XYLT1: variants seen among roughly 807,000 people sequenced by gnomAD.
XYLT1 encodes xylosyltransferase 1, also known as beta-D-xylosyltransferase 1.
In XYLT1, 36 loss-of-function variants were observed where a neutral mutation model predicts 91.3. The observed-to-expected ratio is 0.39, with a 90% CI of 0.30 to 0.52. The LOEUF is 0.52. Ranked by LOEUF, XYLT1 falls within the 20% of genes least tolerant of loss-of-function variation. The pLI is 0.68. For synonymous variants in XYLT1, 588 were observed against 532.0 expected (o/e 1.11, Z -1.45); for missense variants, 1,242 against 1,284.5 (o/e 0.97, Z 0.51).
intron 2 of XYLT1, among the ~76,000 whole-genome samples, chr16:17,292,826 C>T (rs1157708234): frequency 6.6e-6 from 1 of 152,198 alleles, no homozygotes; most frequent in Non-Finnish European, 1.5e-5. Context: ...AGGCCACTTC[C>T]TCACATCTCT....
At chr16:17,435,404 A>T (rs2036443938) in intron 1 of XYLT1, among the ~76,000 whole-genome samples, 1 of 152,150 alleles carries the variant, frequency 6.6e-6, no homozygotes. Context: ...ACCCCCTACA[A>T]GAACCCAGCA....
chr16:17,426,552 A>AAAAT lies in XYLT1; in HGVS notation c.363+43878_363+43881dup, dbSNP rs546298683. ...AAGTGTGAGTGAGACTCCATCTCAA[A>AAAAT]AAATAAATAAATAAACAAAACAAGG... On this transcript the variant is annotated intron_variant, in intron 1 of 11. Transcript: ENST00000261381. Among the ~76,000 whole-genome samples, 753 of 152,320 alleles carry AAAAT rather than the reference A, an allele frequency of 4.9e-3. 4 individuals carry two copies. The highest frequency in any genetic ancestry group is 7.8e-3 in the Non-Finnish European group (533 of 68,034).
At position 17,470,710 on chromosome 16, in the gene XYLT1, C is replaced by T; in HGVS notation, c.87G>A (p.Thr29=). The T allele has an allele frequency of 8.6e-7, 1 of 1,166,772 alleles. No individual in the cohort carries two copies. Among genetic ancestry groups the T allele is most frequent in the Non-Finnish European group, 1.1e-6 (1 of 927,268 alleles). 72.3% of individuals were successfully genotyped at this position (1,166,772 alleles called of 1,614,324 possible). A position where few individuals can be genotyped will look rare whatever the true frequency, so the allele number is the denominator to read the frequency against. ...GGCTGCTGAAATTCCACACGACCAGCGTCTGCAGCAGCAGCACCGTGAGCG... is the reference window on the plus strand; with the variant it reads ...GGCTGCTGAAATTCCACACGACCAGTGTCTGCAGCAGCAGCACCGTGAGCG... ...LAALTVLLLQ[T]LVVWNFSSLD... The change falls in exon 1 of 12, where the codon ACG becomes ACA. Residue 29 remains threonine (T), a synonymous_variant. Transcript: ENST00000261381.
chr16:17,279,435 GC>G (rs1384991114), intron 2 of XYLT1, among the ~76,000 whole-genome samples: 1 of 152,092 alleles, frequency 6.6e-6, no homozygotes, highest in African/African-American at 2.4e-5. Context: ...CTTCCTTAAG[GC>G]CACACAGATC....
At chr16:17,380,566 A>G (rs1044491732) in intron 1 of XYLT1, among the ~76,000 whole-genome samples, 14 of 152,194 alleles carry the variant, frequency 9.2e-5, no homozygotes, top group African/African-American at 3.4e-4. Context: ...TCACAGATGG[A>G]GGGATAATAA....
intron 2 of XYLT1, among the ~76,000 whole-genome samples, chr16:17,262,923 G>T (rs1389839944): frequency 1.3e-5 from 2 of 152,130 alleles, no homozygotes; most frequent in African/African-American, 4.8e-5. Flanking sequence ...AGGTACAGGA[G>T]CCAATTTTTT....
chr16:17,346,727 C>T (rs753221286), intron 2 of XYLT1, among the ~76,000 whole-genome samples: 1 of 152,106 alleles, frequency 6.6e-6, no homozygotes, highest in African/African-American at 2.4e-5. Context: ...GGAGACTGGT[C>T]ATCTGACCAA....
At chr16:17,198,163 C>A (rs1273896595) in intron 5 of XYLT1, 49 bp downstream of exon 5, 1 of 1,603,300 alleles carries the variant, frequency 6.2e-7, no homozygotes, top group Non-Finnish European at 8.5e-7. Flanking sequence ...CATGACCAGC[C>A]AGAGCAGGAC....
intron 2 of XYLT1, among the ~76,000 whole-genome samples, chr16:17,325,186 T>C (rs950486933): frequency 1.3e-5 from 2 of 152,102 alleles, no homozygotes; most frequent in African/African-American, 4.8e-5. Flanking sequence ...TTGCCTGAGG[T>C]CAGGAGTTCG....
chr16:17,298,769 T>C (rs903430179), intron 2 of XYLT1, among the ~76,000 whole-genome samples: 7 of 152,292 alleles, frequency 4.6e-5, no homozygotes, highest in Admixed American at 1.3e-4. Flanking sequence ...TCAGGGCCTT[T>C]GCACTTGCTG....
At chr16:17,232,429 G>GTGTGTGTGTGTATATATA (rs1194509016) in intron 3 of XYLT1, among the ~76,000 whole-genome samples, 10 of 121,726 alleles carry the variant, frequency 8.2e-5, no homozygotes, top group East Asian at 4.4e-4. Context: ...GTGTGTGTGT[G>GTGTGTGTGTGTATATATA]TATATATATA....
chr16:17,417,388 T>C (rs2036192400), intron 1 of XYLT1, among the ~76,000 whole-genome samples: 1 of 152,158 alleles, frequency 6.6e-6, no homozygotes, highest in Non-Finnish European at 1.5e-5. Context: ...CTGGATCCTT[T>C]TGCAGTCCTG....
chr16:17,166,763 C>T, intron 5 of XYLT1, among the ~76,000 whole-genome samples: 1 of 151,782 alleles, frequency 6.6e-6, no homozygotes, highest in Admixed American at 6.6e-5. Context: ...ATCTGCCTGC[C>T]TCAGCCTCCA....
intron 5 of XYLT1, among the ~76,000 whole-genome samples, chr16:17,169,099 G>A (rs182869172): frequency 6.6e-6 from 1 of 152,322 alleles, no homozygotes; most frequent in Admixed American, 6.5e-5. Flanking sequence ...TGGGACAGGA[G>A]TGGGTAAGAT....
intron 2 of XYLT1, 50 bp downstream of exon 2, chr16:17,357,962 G>T: frequency 2.5e-6 from 4 of 1,597,388 alleles, no homozygotes. Context: ...CCCCTTGAGA[G>T]CTGGAATACT....
intron 11 of XYLT1, among the ~76,000 whole-genome samples, chr16:17,114,038 C>T (rs7198211): frequency 0.057 from 8,547 of 150,758 alleles, 788 homozygotes; most frequent in African/African-American, 0.19. Flanking sequence ...ATCCACCTGC[C>T]GGGAGGGTGG....
At chr16:17,381,432 TTTTTTTTTTTG>T (rs1278470527) in intron 1 of XYLT1, among the ~76,000 whole-genome samples, 1 of 78,390 alleles carries the variant, frequency 1.3e-5, no homozygotes, top group Non-Finnish European at 3.9e-5. Context: ...TTTTTTTTTT[TTTTTTTTTTTG>T]AAATGGAGTC....
intron 9 of XYLT1, among the ~76,000 whole-genome samples, chr16:17,128,754 G>A (rs2030352962): frequency 6.6e-6 from 1 of 152,208 alleles, no homozygotes; most frequent in Non-Finnish European, 1.5e-5. Context: ...AGAGATGTCC[G>A]GAGAAAAGGG....
intron 2 of XYLT1, among the ~76,000 whole-genome samples, chr16:17,333,878 C>T (rs1176504572): frequency 5.9e-5 from 9 of 151,974 alleles, no homozygotes; most frequent in Non-Finnish European, 1.0e-4. Flanking sequence ...GTGAGCCACA[C>T]GCCCGGCCTC....
Sources: gnomAD v4.1 joint callset for allele counts (sites outside exome capture counted in the v4.1 genomes callset) on GRCh38, gnomAD v4.1.1 for gene constraint, MANE v1.5 for transcripts, NCBI Gene and HGNC (gene_info 2026-07-23, HGNC 2026-07-21) for gene names.